PCDH15: variants seen among roughly 807,000 people sequenced by gnomAD.
PCDH15 encodes the protein protocadherin related 15, also known as protocadherin-15.
A neutral mutation model predicts 178.5 loss-of-function variants in PCDH15; 129 were observed. The ratio of observed to expected loss-of-function variants is 0.72; its 90% CI spans 0.63 to 0.84. PCDH15 has a LOEUF of 0.84. Among genes scored for constraint, PCDH15 ranks in the 40% least tolerant of loss-of-function variants. The probability of loss-of-function intolerance (pLI) is 0.00; values close to 1 mark genes in which losing one functional copy is unlikely to be tolerated. For synonymous variants in PCDH15, 800 were observed against 732.0 expected, an observed-to-expected ratio of 1.09 and a Z score of -1.50; for missense variants, 2,230 against 2,099.9, an observed-to-expected ratio of 1.06 and a Z score of -1.21.
intron 9 of PCDH15, among the ~76,000 whole-genome samples, chr10:54,223,359 C>T (rs6481070): frequency 0.73 from 97,136 of 132,640 alleles, 36,896 homozygotes; most frequent in African/African-American, 0.83. Context: ...TCATAAAAAT[C>T]TTTACCAATA....
At chr10:55,059,122 G>T (rs1409033113) in intron 2 of PCDH15, among the ~76,000 whole-genome samples, 2 of 152,126 alleles carry the variant, frequency 1.3e-5, no homozygotes, top group Non-Finnish European at 2.9e-5. Flanking sequence ...GTCAATACCG[G>T]ATTTACCCAA....
At chr10:55,104,780 T>G (rs1842639292) in intron 2 of PCDH15, among the ~76,000 whole-genome samples, 1 of 152,204 alleles carries the variant, frequency 6.6e-6, no homozygotes, top group Admixed American at 6.5e-5. Context: ...AAATCCGGCA[T>G]CACTAGTAGC....
intron 2 of PCDH15, among the ~76,000 whole-genome samples, chr10:55,050,671 AC>A (rs1380630943): frequency 6.6e-6 from 1 of 152,020 alleles, no homozygotes; most frequent in African/African-American, 2.4e-5. Flanking sequence ...TATATCCTCT[AC>A]TTCATGGTTT....
intron 2 of PCDH15, among the ~76,000 whole-genome samples, chr10:55,497,741 A>G (rs942958076): frequency 6.6e-6 from 1 of 151,896 alleles, no homozygotes; most frequent in Non-Finnish European, 1.5e-5. Context: ...CCCATTTTGT[A>G]AGAATCTTTC....
At chr10:54,979,437 G>C (rs370716500) in intron 2 of PCDH15, among the ~76,000 whole-genome samples, 1 of 152,134 alleles carries the variant, frequency 6.6e-6, no homozygotes, top group East Asian at 1.9e-4. Flanking sequence ...GGGAGCCCAA[G>C]GTAGGCAAAT....
At chr10:54,157,428 G>A (rs1162608040) in intron 13 of PCDH15, among the ~76,000 whole-genome samples, 1 of 152,190 alleles carries the variant, frequency 6.6e-6, no homozygotes, top group Non-Finnish European at 1.5e-5. Flanking sequence ...TGAGCTCTAT[G>A]TTGGACCCTT....
chr10:55,083,999 A>G (rs1290267066), intron 2 of PCDH15, among the ~76,000 whole-genome samples: 1 of 151,782 alleles, frequency 6.6e-6, no homozygotes, highest in African/African-American at 2.4e-5. Context: ...TGTCCATACT[A>G]CCCAAAGCAA....
intron 15 of PCDH15, among the ~76,000 whole-genome samples, chr10:54,103,624 C>A (rs1032415548): frequency 6.6e-5 from 10 of 152,298 alleles, no homozygotes; most frequent in Admixed American, 4.6e-4. Flanking sequence ...ACTCCACCAT[C>A]CCAAACTCCC....
At chr10:54,715,784 A>G (rs1164634161) in intron 1 of PCDH15, among the ~76,000 whole-genome samples, 2 of 152,024 alleles carry the variant, frequency 1.3e-5, no homozygotes, top group African/African-American at 2.4e-5. Context: ...TGAGCCATTC[A>G]TCCCTTCCCA....
chr10:53,935,252 T>C (rs1310770522), intron 25 of PCDH15, among the ~76,000 whole-genome samples: 1 of 152,194 alleles, frequency 6.6e-6, no homozygotes, highest in African/African-American at 2.4e-5. Context: ...CTTTTCTTAA[T>C]GCACCAAAAC....
chr10:53,989,590 C>CTA (rs1286452227), intron 21 of PCDH15, among the ~76,000 whole-genome samples: 2 of 152,118 alleles, frequency 1.3e-5, no homozygotes, highest in African/African-American at 2.4e-5. Flanking sequence ...CAGGCTGGGA[C>CTA]TATAGCATGT....
intron 2 of PCDH15, among the ~76,000 whole-genome samples, chr10:54,973,088 A>G (rs1348206385): frequency 6.6e-6 from 1 of 152,052 alleles, no homozygotes; most frequent in Non-Finnish European, 1.5e-5. Context: ...AGAGAATACA[A>G]AAATCAATCT....
chr10:54,103,343 T>A (rs1361791371), intron 15 of PCDH15, among the ~76,000 whole-genome samples: 1 of 152,218 alleles, frequency 6.6e-6, no homozygotes, highest in Non-Finnish European at 1.5e-5. Flanking sequence ...CTGCTGTCCA[T>A]TATGGTAACT....
intron 26 of PCDH15, among the ~76,000 whole-genome samples, chr10:53,877,188 T>G (rs2080310107): frequency 6.6e-6 from 1 of 152,104 alleles, no homozygotes; most frequent in Admixed American, 6.6e-5. Flanking sequence ...TTTTGTAAAA[T>G]AAATATTACC....
intron 25 of PCDH15, among the ~76,000 whole-genome samples, chr10:53,907,696 G>A (rs2082774641): frequency 6.6e-6 from 1 of 152,146 alleles, no homozygotes; most frequent in African/African-American, 2.4e-5. Context: ...GTAAGAAAAT[G>A]TGAGATACCT....
At chr10:55,494,145 A>C (rs1168807110) in intron 2 of PCDH15, among the ~76,000 whole-genome samples, 1 of 151,806 alleles carries the variant, frequency 6.6e-6, no homozygotes, top group Non-Finnish European at 1.5e-5. Flanking sequence ...TTTGTTTATA[A>C]TGTTGCTCCA....
At chr10:55,226,738 A>T (rs560600352) in intron 1 of PCDH15, among the ~76,000 whole-genome samples, 1 of 152,238 alleles carries the variant, frequency 6.6e-6, no homozygotes, top group African/African-American at 2.4e-5. Context: ...TTTTAGTAAT[A>T]AGATAGTACA....
chr10:54,203,850 A>G (rs2050505301), intron 10 of PCDH15, among the ~76,000 whole-genome samples: 2 of 152,180 alleles, frequency 1.3e-5, no homozygotes. Flanking sequence ...TGATTCACGC[A>G]TATCCCTTTA....
At chr10:54,786,489 T>G (rs902756811) in intron 1 of PCDH15, among the ~76,000 whole-genome samples, 2 of 152,070 alleles carry the variant, frequency 1.3e-5, no homozygotes, top group Non-Finnish European at 2.9e-5. Flanking sequence ...GATAATGCTC[T>G]GTTTATAGAA....
Sources: gnomAD v4.1 joint callset for allele counts (sites outside exome capture counted in the v4.1 genomes callset) on GRCh38, gnomAD v4.1.1 for gene constraint, MANE v1.5 for transcripts, NCBI Gene and HGNC (gene_info 2026-07-23, HGNC 2026-07-21) for gene names.